The following HMCN2 variants were observed in gnomAD, a reference collection of about 807,000 sequenced individuals.
HMCN2 encodes the protein hemicentin-2.
In HMCN2, 325 loss-of-function variants were observed where a neutral mutation model predicts 377.5. The observed-to-expected ratio is 0.86, with a 90% CI of 0.79 to 0.94. HMCN2 has a LOEUF of 0.94. HMCN2 is among the 40% of genes least tolerant of loss of function. HMCN2 has a pLI of 0.00. For missense variants in HMCN2, 4,543 were observed against 4,725.3 expected, an observed-to-expected ratio of 0.96 and a Z score of 1.13; for synonymous variants, 2,007 against 2,046.8, an observed-to-expected ratio of 0.98 and a Z score of 0.53.
intron 22 of HMCN2, among the ~76,000 whole-genome samples, chr9:130,329,802 C>T (rs1838328661): frequency 6.6e-6 from 1 of 152,134 alleles, no homozygotes. Flanking sequence ...CCTCTGGTTC[C>T]CTCCCTGCCC....
At chr9:130,331,198 G>A (rs1457052969) in intron 22 of HMCN2, among the ~76,000 whole-genome samples, 2 of 151,480 alleles carry the variant, frequency 1.3e-5, no homozygotes, top group South Asian at 2.1e-4. Context: ...CAGGGCGCTC[G>A]GCTCCCATCA....
At chr9:130,386,784 A>C (rs1009196905) in intron 61 of HMCN2, among the ~76,000 whole-genome samples, 2 of 152,256 alleles carry the variant, frequency 1.3e-5, no homozygotes, top group African/African-American at 4.8e-5. Context: ...TGCTGACATT[A>C]CAGGCGTGAG....
At chr9:130,407,935 T>A (rs1843187928) in intron 83 of HMCN2, among the ~76,000 whole-genome samples, 1 of 152,084 alleles carries the variant, frequency 6.6e-6, no homozygotes, top group Non-Finnish European at 1.5e-5. Context: ...TTTTTGACAC[T>A]CCCAAGACGA....
intron 1 of HMCN2, among the ~76,000 whole-genome samples, chr9:130,269,263 T>A (rs1312914088): frequency 4.2e-5 from 4 of 95,752 alleles, no homozygotes; most frequent in Non-Finnish European, 2.1e-5. Flanking sequence ...AGAGCCCTGG[T>A]TCCTTTTTTT....
Position 130,430,433 on chromosome 9 carries a change from A to G in HMCN2, c.14476A>G (p.Thr4826Ala). 1 of 1,550,352 alleles carries G rather than the reference A, an allele frequency of 6.5e-7. No individual in the cohort carries two copies. Among genetic ancestry groups the G allele is most frequent in the Non-Finnish European group, 8.7e-7 (1 of 1,146,914 alleles). The change falls in exon 95 of 98, where the codon ACC becomes GCC. Residue 4826 changes from threonine to alanine, a missense_variant. Coordinates refer to ENST00000683500, the MANE Select transcript of HMCN2 (RefSeq NM_001291815.2). ...TSLERNGQNV[T>A]TVSHRGPLLP... ...ACTGGAGCGGAATGGACAAAATGTG[A>G]CCACCGTCAGCCACCGAGGCCCTCT... is the stretch of plus-strand genomic sequence containing the variant.
At chr9:130,266,641 C>T (rs1482875223) in intron 1 of HMCN2, among the ~76,000 whole-genome samples, 2 of 152,234 alleles carry the variant, frequency 1.3e-5, no homozygotes, top group Non-Finnish European at 2.9e-5. Context: ...ACGGACCCTG[C>T]AGTGGGGAGC....
At position 130,354,997 on chromosome 9, in the gene HMCN2, G is replaced by T; in HGVS notation, c.5099G>T (p.Ser1700Ile). 1 of 1,296,310 alleles carries T rather than the reference G, an allele frequency of 7.7e-7. No individual in the cohort carries two copies. The highest frequency in any genetic ancestry group is 1.2e-5 in the South Asian group (1 of 80,960). 80.3% of individuals were successfully genotyped at this position (1,296,310 alleles called of 1,614,324 possible). A position where few individuals can be genotyped will look rare whatever the true frequency, so the allele number is the denominator to read the frequency against. Residue 1700 changes from serine to isoleucine, a missense_variant, in exon 32 of 98, where the codon AGC (serine) becomes ATC (isoleucine). Physicochemically the swap from Ser to Ile is moderately radical, Grantham distance 142 (BLOSUM62 -2). Transcript: ENST00000683500. The stretch of plus-strand genomic sequence containing the variant: ...AGTGGCCTGTACAGCTGTGTGGCCA[G>T]CAGTCCTGCCGGGGAAGCCGTCCTG... ...ASSGLYSCVA[S>I]SPAGEAVLQY...
At chr9:130,395,491 C>T (rs1842566187) in intron 71 of HMCN2, 144 bp downstream of exon 71, 4 of 668,242 alleles carry the variant, frequency 6.0e-6, no homozygotes, top group South Asian at 5.8e-5. Context: ...GTGTCATACC[C>T]CCCGCCATTG....
chr9:130,428,235 C>T lies in HMCN2; in HGVS notation c.14066-123C>T. ...AAGAGCTAGCAGAAGGGGTGGGGAC[C>T]TTCCTGCCAGTGGCTCCTGGGCCTG... is the stretch of plus-strand genomic sequence containing the variant. On this transcript the variant is annotated intron_variant, in intron 92 of 97. Transcript: ENST00000683500. This position sits in a 1 kb window ranked among gnomAD's most constrained non-coding sequence, Gnocchi z 5.0. 8.3e-7 allele frequency: 1 copy of T among 1,204,716 alleles called. No homozygotes were observed. Among genetic ancestry groups the T allele is most frequent in the South Asian group, 1.8e-5 (1 of 56,728 alleles). 74.6% of individuals were successfully genotyped at this position (1,204,716 alleles called of 1,614,324 possible). A position where few individuals can be genotyped will look rare whatever the true frequency, so the allele number is the denominator to read the frequency against.
rs150488574 is a variant in HMCN2 at position 130,398,871 on chromosome 9, C to G, written c.11483+164C>G. On this transcript the variant is annotated intron_variant, in intron 75 of 97. Transcript: ENST00000683500. Reference sequence around the variant, plus strand: ...CTTTGGGGATCAGAGAGTCTTCACACTGAGATAGGGGTGAGGGCACTGGGG... The same window carrying G: ...CTTTGGGGATCAGAGAGTCTTCACAGTGAGATAGGGGTGAGGGCACTGGGG... 8.0e-4 allele frequency among the ~76,000 whole-genome samples: 122 copies of G among 152,282 alleles called. No individual in the cohort carries two copies. In the East Asian group the frequency reaches 0.015, roughly 19 times the overall value.
chr9:130,301,646 C>T lies in HMCN2; in HGVS notation c.1277-1211C>T, dbSNP rs557643413. Reference sequence around the variant, plus strand: ...CTGGATGGTCAGACACCCCTCCCCCCCCGGGACAGATGTGGCAGGGAGCCT... The same window carrying T: ...CTGGATGGTCAGACACCCCTCCCCCTCCGGGACAGATGTGGCAGGGAGCCT... On this transcript the variant is annotated intron_variant, in intron 8 of 97. Transcript: ENST00000683500. Among the ~76,000 whole-genome samples the T allele has an allele frequency of 2.4e-4, 37 of 152,360 alleles. 1 individual carries two copies. The highest frequency in any genetic ancestry group is 7.3e-5 in the Non-Finnish European group (5 of 68,040).
In HMCN2 at chr9:130,427,341, CTTTGAGCTGGACTCCCAGGGAGCGT is replaced by C; in HGVS notation, c.13913_13937del (p.Glu4638ValfsTer62). ...AGAACGAGGTCGGCTGCCCCGAGGGCTTTGAGCTGGACTCCCAGGGAGCGTTTTGTGTGGGTGAGCGCCCCCAACC... is the reference window on the plus strand; with the variant it reads ...AGAACGAGGTCGGCTGCCCCGAGGGCTTTGTGTGGGTGAGCGCCCCCAACC... On this transcript the variant is annotated frameshift_variant, in exon 91 of 98. Transcript: ENST00000683500. LOFTEE classifies it high-confidence loss of function. 6.4e-7 allele frequency: 1 copy of C among 1,550,592 alleles called. No homozygotes were observed. Among genetic ancestry groups the C allele is most frequent in the Non-Finnish European group, 8.7e-7 (1 of 1,146,998 alleles).
In HMCN2 at chr9:130,431,442, G is replaced by GC; in HGVS notation, c.14727dup (p.Ala4910ArgfsTer308). 6.5e-7 allele frequency: 1 copy of GC among 1,550,168 alleles called. No homozygotes were observed. The highest frequency in any genetic ancestry group is 8.7e-7 in the Non-Finnish European group (1 of 1,146,838). ...ACTGAGGGCAGCTACCAGTGCCTGT[G>GC]CCCCGCCGGCTACCGTCTGCTCCCC... On this transcript the variant is annotated frameshift_variant, in exon 96 of 98. Coordinates refer to ENST00000683500, the MANE Select transcript of HMCN2 (RefSeq NM_001291815.2). LOFTEE classifies it high-confidence loss of function.
At chr9:130,270,930 T>C (rs1439313262) in intron 1 of HMCN2, among the ~76,000 whole-genome samples, 1 of 149,074 alleles carries the variant, frequency 6.7e-6, no homozygotes, top group African/African-American at 2.4e-5. Context: ...CCATCCAGGA[T>C]ACATTAATTG....
chr9:130,370,590 C>T (rs921526260), intron 45 of HMCN2, among the ~76,000 whole-genome samples: 5 of 152,238 alleles, frequency 3.3e-5, no homozygotes, highest in African/African-American at 1.2e-4. Flanking sequence ...CACTTAGCTT[C>T]CACACGTGGA....
At position 130,362,142 on chromosome 9, in the gene HMCN2, C is replaced by T. The variant is rs1438864276; in HGVS notation, c.6085C>T (p.Pro2029Ser). The change falls in exon 39 of 98, where the codon CCT becomes TCT. Residue 2029 changes from proline (P) to serine (S), a missense_variant. Pro to Ser is a moderately conservative substitution (Grantham distance 74, BLOSUM62 -1). This residue lies in a region of HMCN2 where 1,032 missense variants were observed against 1,285.1 expected (regional missense o/e 0.80). Coordinates refer to ENST00000683500, the MANE Select transcript of HMCN2 (RefSeq NM_001291815.2). ...MWLKDGNPVS[P>S]AGTPGLQVFP... ...GCTGAAGGATGGAAACCCTGTGTCC[C>T]CTGCAGGGACCCCTGGCCTGCAGGT... 1.0e-6 allele frequency: 1 copy of T among 985,592 alleles called. No homozygotes were observed. Among genetic ancestry groups the T allele is most frequent in the Non-Finnish European group, 1.2e-6 (1 of 829,928 alleles). 61.1% of individuals were successfully genotyped at this position (985,592 alleles called of 1,614,324 possible).
At chr9:130,281,239 G>T (rs1222114048) in intron 1 of HMCN2, among the ~76,000 whole-genome samples, 1 of 152,102 alleles carries the variant, frequency 6.6e-6, no homozygotes, top group African/African-American at 2.4e-5. Flanking sequence ...TCCGGACCTG[G>T]GCTCATATCC....
rs1284235554 is a variant in HMCN2, at chr9:130,353,218, G to C, written c.4864+13G>C. 20 of 1,301,654 alleles carry C rather than the reference G, an allele frequency of 1.5e-5. No individual in the cohort carries two copies. The highest frequency in any genetic ancestry group is 2.0e-5 in the Non-Finnish European group (20 of 987,902). The allele number at this position is 1,301,654 out of a possible 1,614,324, so 80.6% of individuals were successfully genotyped here. ...CTGGATGTTTATGGTGAGCAGCCAGGGGCCACGGCAGCCGGGGTGGGCAGT... is the reference window on the plus strand; with the variant it reads ...CTGGATGTTTATGGTGAGCAGCCAGCGGCCACGGCAGCCGGGGTGGGCAGT... On this transcript the variant is annotated intron_variant, in intron 31 of 97. Transcript: ENST00000683500.
In HMCN2 at chr9:130,373,204, C is replaced by T; in HGVS notation, c.7438+80C>T. On this transcript the variant is annotated intron_variant, in intron 48 of 97. Coordinates refer to ENST00000683500, the MANE Select transcript of HMCN2 (RefSeq NM_001291815.2). ...AAAGGAGGGGATCCCTGGGGATCTG[C>T]CCACCTGCCCCAGCCCCACTCCTCC... The T allele has an allele frequency of 1.8e-5, 7 of 392,994 alleles. 1 individual carries two copies. Among genetic ancestry groups the T allele is most frequent in the Non-Finnish European group, 2.1e-5 (6 of 288,328 alleles). The allele number at this position is 392,994 out of a possible 1,614,324, so 24.3% of individuals were successfully genotyped here.
Sources: gnomAD v4.1 joint callset for allele counts (sites outside exome capture counted in the v4.1 genomes callset) on GRCh38, gnomAD v4.1.1 for gene constraint, gnomAD v4.1.1 regional missense constraint, Gnocchi (gnomAD v3.1) non-coding constraint, MANE v1.5 for transcripts, NCBI Gene and HGNC (gene_info 2026-07-23, HGNC 2026-07-21) for gene names.